The following SMCHD1 variants were observed in gnomAD, a reference collection of about 807,000 sequenced individuals.
SMCHD1 encodes the protein structural maintenance of chromosomes flexible hinge domain-containing protein 1.
Under a neutral mutation model 254.7 loss-of-function variants are expected in SMCHD1, and 78 were observed. The ratio of observed to expected loss-of-function variants is 0.31; its 90% CI spans 0.26 to 0.37. The LOEUF (loss-of-function observed/expected upper bound fraction) is 0.37. Among genes scored for constraint, SMCHD1 ranks in the 10% least tolerant of loss-of-function variants. The probability of loss-of-function intolerance (pLI) is 1.00; values close to 1 mark genes in which losing one functional copy is unlikely to be tolerated. For missense variants in SMCHD1, 1,840 were observed against 2,408.1 expected, an observed-to-expected ratio of 0.76 and a Z score of 4.94; for synonymous variants, 766 against 794.9, an observed-to-expected ratio of 0.96 and a Z score of 0.61.
rs1378886078 is a variant in SMCHD1 at position 2,662,191 on chromosome 18, AT to A, written c.187-3965del. On this transcript the variant is annotated intron_variant, in intron 1 of 47. Transcript: ENST00000320876. ...AAAAAAAAAAAAATAAAATAAATAA[AT>A]AAATAAATAAAGAAAGAAAGAAAGA... Among the ~76,000 whole-genome samples the A allele has an allele frequency of 4.4e-3, 374 of 84,444 alleles. 2 individuals carry two copies. Among genetic ancestry groups the A allele is most frequent in the African/African-American group, 0.04 (344 of 8,670 alleles). 55.4% of individuals were successfully genotyped at this position (84,444 alleles called of 152,430 possible).
chr18:2,748,390 A>AGTGTTTTT (rs781543959), intron 30 of SMCHD1, among the ~76,000 whole-genome samples: 1 of 92,700 alleles, frequency 1.1e-5, no homozygotes, highest in Non-Finnish European at 1.9e-5. Context: ...GTGTATATAA[A>AGTGTTTTT]TTTTTTTTTT....
chr18:2,681,151 G>A (rs925488091), intron 5 of SMCHD1, among the ~76,000 whole-genome samples: 1 of 151,630 alleles, frequency 6.6e-6, no homozygotes, highest in African/African-American at 2.4e-5. Context: ...GGTGGCTCAC[G>A]CGTGTAATCC....
At chr18:2,801,222 A>C (rs1388532155) in intron 47 of SMCHD1, 2 of 152,212 alleles carry the variant, frequency 1.3e-5, no homozygotes, top group Non-Finnish European at 2.9e-5. Context: ...TCACTAAGAT[A>C]CTTCATAGTA....
At chr18:2,769,935 T>C in intron 38 of SMCHD1, 54 bp from the exon 39 acceptor site, 1 of 1,536,612 alleles carries the variant, frequency 6.5e-7, no homozygotes, top group Non-Finnish European at 8.7e-7. Context: ...TTATGACATA[T>C]TTTAGAAAAG....
intron 17 of SMCHD1, among the ~76,000 whole-genome samples, chr18:2,714,625 A>G: frequency 6.6e-6 from 1 of 151,462 alleles, no homozygotes; most frequent in Non-Finnish European, 1.5e-5. Context: ...CCTACCTTGT[A>G]TAATTGTTTT....
At chr18:2,669,015 C>T (rs1170470863) in intron 3 of SMCHD1, among the ~76,000 whole-genome samples, 1 of 149,478 alleles carries the variant, frequency 6.7e-6, no homozygotes, top group East Asian at 1.9e-4. Flanking sequence ...ACTAGGACTA[C>T]AAGTGCATAC....
In SMCHD1 at chr18:2,739,449, C is replaced by G; in HGVS notation, c.3443C>G (p.Pro1148Arg). ...AATTTCAGACCACTTCCTGATGAAC[C>G]TAAACATTTAAAATGTGAAATGAAA... ...AFTVRPLPDE[P>R]KHLKCEMKGG... Residue 1148 changes from proline to arginine, a missense_variant, in exon 27 of 48, where the codon CCT becomes CGT. Transcript: ENST00000320876. 6.2e-7 allele frequency: 1 copy of G among 1,612,948 alleles called. No individual in the cohort carries two copies. Among genetic ancestry groups the G allele is most frequent in the Non-Finnish European group, 8.5e-7 (1 of 1,179,362 alleles).
In SMCHD1 at chr18:2,769,760, C is replaced by T. The variant is rs746646525; in HGVS notation, c.4786C>T (p.Arg1596Trp). Residue 1596 changes from arginine (R) to tryptophan (W), a missense_variant, in exon 38 of 48, where the codon CGG becomes TGG. This residue lies in a region of SMCHD1 where 881 missense variants were observed against 1,009.5 expected (regional missense o/e 0.87). Coordinates refer to ENST00000320876, the MANE Select transcript of SMCHD1 (RefSeq NM_015295.3). ...TGAATATTTTATTGTATTTGAGCCC[C>T]GGCTACCACTTTTATCAAGAACCTT... Reference protein sequence around the residue: ...STEYFIVFEPRLPLLSRTLEP... With the variant: ...STEYFIVFEPWLPLLSRTLEP... 1.5e-5 allele frequency: 24 copies of T among 1,603,566 alleles called. No homozygotes were observed. Among genetic ancestry groups the T allele is most frequent in the South Asian group, 6.7e-5 (6 of 89,608 alleles).
chr18:2,687,423 T>G (rs2074077114), intron 5 of SMCHD1, among the ~76,000 whole-genome samples: 1 of 152,206 alleles, frequency 6.6e-6, no homozygotes, highest in Non-Finnish European at 1.5e-5. Flanking sequence ...ATAATATTCC[T>G]CTCTGTCTTT....
intron 47 of SMCHD1, among the ~76,000 whole-genome samples, chr18:2,798,832 C>T (rs1430161787): frequency 1.3e-5 from 2 of 152,116 alleles, no homozygotes; most frequent in African/African-American, 4.8e-5. Flanking sequence ...GACCAGAACC[C>T]ACTTCCCACT....
chr18:2,787,684 A>G (rs1213677050), intron 45 of SMCHD1, among the ~76,000 whole-genome samples: 2 of 152,232 alleles, frequency 1.3e-5, no homozygotes, highest in Non-Finnish European at 2.9e-5. Context: ...CAGATGTCAT[A>G]TTTAATAGTT....
chr18:2,697,156 T>G, intron 9 of SMCHD1, 34 bp downstream of exon 9: 1 of 1,080,948 alleles, frequency 9.3e-7, no homozygotes, highest in Non-Finnish European at 1.3e-6. Flanking sequence ...ATAATAAAAA[T>G]TATGAGATAT....
chr18:2,755,565 CTTTTTTTTT>C (rs11413061), intron 34 of SMCHD1, among the ~76,000 whole-genome samples: 1 of 108,142 alleles, frequency 9.2e-6, no homozygotes, highest in Non-Finnish European at 1.8e-5. Flanking sequence ...TTCTTTCTTT[CTTTTTTTTT>C]TTTTTTTTTT....
chr18:2,685,969 A>G lies in SMCHD1; in HGVS notation c.639-2425A>G, dbSNP rs566279465. Reference sequence around the variant, plus strand: ...CCTGAACCAGTTTATGTTTACCCACATATTTACCATATTTACTAGAGCTTG... The same window carrying G: ...CCTGAACCAGTTTATGTTTACCCACGTATTTACCATATTTACTAGAGCTTG... On this transcript the variant is annotated intron_variant, in intron 5 of 47. Coordinates refer to ENST00000320876, the MANE Select transcript of SMCHD1 (RefSeq NM_015295.3). Among the ~76,000 whole-genome samples, 251 of 152,292 alleles carry G rather than the reference A, an allele frequency of 1.6e-3. 4 individuals carry two copies. Among genetic ancestry groups the G allele is most frequent in the Non-Finnish European group, 2.4e-3 (165 of 68,020 alleles).
At chr18:2,720,359 T>TGA (rs2074898613) in intron 19 of SMCHD1, among the ~76,000 whole-genome samples, 1 of 152,258 alleles carries the variant, frequency 6.6e-6, no homozygotes, top group African/African-American at 2.4e-5. Context: ...ATTCTCTTCC[T>TGA]ACTTCATGAA....
intron 44 of SMCHD1, among the ~76,000 whole-genome samples, chr18:2,781,582 A>G (rs1350778951): frequency 6.6e-6 from 1 of 152,198 alleles, no homozygotes; most frequent in African/African-American, 2.4e-5. Flanking sequence ...TGAAAATGAG[A>G]AAAGAACAAG....
At position 2,758,792 on chromosome 18, in the gene SMCHD1, C is replaced by T. The variant is rs1483754422; in HGVS notation, c.4347-1860C>T. Among the ~76,000 whole-genome samples the T allele has an allele frequency of 4.6e-5, 7 of 152,036 alleles. No individual in the cohort carries two copies. The South Asian group carries it at 1.5e-3, about 32-fold the overall frequency. ...TCCTTTGGTTATTTTGTGGTTGGTT[C>T]CTCCCCTGCCCCCACCCCATCCCCT... On this transcript the variant is annotated intron_variant, in intron 34 of 47. Coordinates refer to ENST00000320876, the MANE Select transcript of SMCHD1 (RefSeq NM_015295.3).
chr18:2,788,885 C>T (rs772165175), intron 45 of SMCHD1, among the ~76,000 whole-genome samples: 15 of 152,176 alleles, frequency 9.9e-5, no homozygotes, highest in Non-Finnish European at 1.5e-5. Flanking sequence ...ATGTGAGCCA[C>T]CTCCCCTGGC....
At chr18:2,775,368 A>C (rs2076050744) in intron 41 of SMCHD1, among the ~76,000 whole-genome samples, 1 of 152,052 alleles carries the variant, frequency 6.6e-6, no homozygotes, top group Admixed American at 6.6e-5. Context: ...GTACTTTATG[A>C]TATTCTACCA....
Sources: allele counts gnomAD v4.1 joint callset (sites outside exome capture counted in the v4.1 genomes callset), GRCh38; gene constraint gnomAD v4.1.1; regional missense constraint gnomAD v4.1.1; transcripts MANE v1.5; gene names NCBI Gene and HGNC (gene_info 2026-07-23, HGNC 2026-07-21).